SKAP2: variants seen among roughly 807,000 people sequenced by gnomAD.
The protein encoded by SKAP2 is src kinase-associated phosphoprotein 2.
In SKAP2, 28 loss-of-function variants were observed where a neutral mutation model predicts 54.9. The observed-to-expected ratio is 0.51, with a 90% CI of 0.38 to 0.70. The LOEUF is 0.70. Ranked by LOEUF, SKAP2 falls within the 30% of genes least tolerant of loss-of-function variation. The pLI is 0.00. For synonymous variants in SKAP2, 137 were observed against 134.3 expected, an observed-to-expected ratio of 1.02 and a Z score of -0.14; for missense variants, 356 against 424.1, an observed-to-expected ratio of 0.84 and a Z score of 1.41.
chr7:26,684,976 T>TA (rs1786598303), intron 10 of SKAP2, 128 bp from the exon 11 acceptor site: 1 of 606,834 alleles, frequency 1.6e-6, no homozygotes, highest in Non-Finnish European at 2.9e-6. Context: ...ATGTCCTGAG[T>TA]AAACGAATAC....
chr7:26,684,645 G>A lies in SKAP2; in HGVS notation c.987+91C>T, dbSNP rs115444254. On this transcript the variant is annotated intron_variant, in intron 11 of 12. Transcript: ENST00000345317. ...CAAGGACCTAGAAGAATTCCAATTG[G>A]CATTCTTCCCTAGCTCTGTAAATCC... 1,121 of 699,558 alleles carry A rather than the reference G, an allele frequency of 1.6e-3. 5 individuals are homozygous for A. The African/African-American group carries it at 0.018, about 11-fold the overall frequency. The allele number at this position is 699,558 out of a possible 1,614,324, so 43.3% of individuals were successfully genotyped here. A position where few individuals can be genotyped will look rare whatever the true frequency, so the allele number is the denominator to read the frequency against.
chr7:26,779,011 C>A (rs1783370847), intron 4 of SKAP2, among the ~76,000 whole-genome samples: 1 of 151,770 alleles, frequency 6.6e-6, no homozygotes, highest in South Asian at 2.1e-4. Context: ...TAAGTTAAGC[C>A]CACTAGTTGA....
intron 11 of SKAP2, among the ~76,000 whole-genome samples, chr7:26,672,073 C>T (rs1484168993): frequency 2.0e-5 from 3 of 151,982 alleles, no homozygotes; most frequent in Admixed American, 6.6e-5. Flanking sequence ...AGAAAAGGAA[C>T]TAGCCCCCTG....
downstream of SKAP2, among the ~76,000 whole-genome samples, chr7:26,666,052 A>G (rs1260568101): frequency 6.6e-6 from 1 of 151,878 alleles, no homozygotes; most frequent in Non-Finnish European, 1.5e-5. Flanking sequence ...TGTGTTTTCC[A>G]TGGCTTGATC....
chr7:26,794,234 T>C (rs1479640482), intron 4 of SKAP2, among the ~76,000 whole-genome samples: 1 of 152,220 alleles, frequency 6.6e-6, no homozygotes, highest in Admixed American at 6.5e-5. Flanking sequence ...CCTATAATAA[T>C]TTGTCTCAGT....
At chr7:26,823,108 A>G (rs1017169629) in intron 4 of SKAP2, among the ~76,000 whole-genome samples, 20 of 152,076 alleles carry the variant, frequency 1.3e-4, no homozygotes, top group African/African-American at 4.8e-4. Flanking sequence ...GTGCTACTCC[A>G]GTGAACACAC....
At chr7:26,665,974 T>A (rs1468294707), downstream of SKAP2, among the ~76,000 whole-genome samples, 5 of 148,722 alleles carry the variant, frequency 3.4e-5, no homozygotes, top group African/African-American at 1.3e-4. Flanking sequence ...TGTTTTTATT[T>A]TATATATATA....
intron 4 of SKAP2, among the ~76,000 whole-genome samples, chr7:26,833,397 C>CAAAAAAAAAAAAAAAAAAAAAA (rs1218013639): frequency 1.2e-5 from 1 of 85,126 alleles, no homozygotes. Flanking sequence ...GACTCCGTCT[C>CAAAAAAAAAAAAAAAAAAAAAA]AAAAAAAAAA....
chr7:26,829,925 T>C (rs1377938890), intron 4 of SKAP2, among the ~76,000 whole-genome samples: 1 of 151,870 alleles, frequency 6.6e-6, no homozygotes, highest in Non-Finnish European at 1.5e-5. Context: ...AATGAAAAAA[T>C]ATATTAACAC....
At chr7:26,857,324 A>AAAAAAAAAAAAAAAAAAAC (rs1785189101) in intron 1 of SKAP2, 1 of 252,548 alleles carries the variant, frequency 4.0e-6, no homozygotes, top group African/African-American at 2.3e-5. Flanking sequence ...AAAAAAAAAA[A>AAAAAAAAAAAAAAAAAAAC]AAAAAAAAAA....
intron 9 of SKAP2, among the ~76,000 whole-genome samples, chr7:26,699,689 GC>G (rs879613894): frequency 3.3e-5 from 5 of 151,856 alleles, no homozygotes; most frequent in Non-Finnish European, 7.4e-5. Flanking sequence ...ATAAACAAAA[GC>G]TTTTAAGGGT....
intron 4 of SKAP2, among the ~76,000 whole-genome samples, chr7:26,809,447 G>A (rs372303160): frequency 6.0e-5 from 9 of 151,094 alleles, no homozygotes; most frequent in African/African-American, 2.2e-4. Flanking sequence ...CAAAGGACCT[G>A]AATAAACTTT....
chr7:26,806,026 C>T (rs975766553), intron 4 of SKAP2, among the ~76,000 whole-genome samples: 1 of 152,028 alleles, frequency 6.6e-6, no homozygotes, highest in African/African-American at 2.4e-5. Flanking sequence ...TTACGGTGAT[C>T]TATAGTTACC....
intron 4 of SKAP2, among the ~76,000 whole-genome samples, chr7:26,817,258 T>C (rs185904706): frequency 5.9e-5 from 9 of 152,188 alleles, no homozygotes; most frequent in Non-Finnish European, 8.8e-5. Flanking sequence ...CACAGGTCTA[T>C]AGGTTTATAT....
intron 9 of SKAP2, among the ~76,000 whole-genome samples, chr7:26,711,625 A>G (rs1388539400): frequency 2.0e-5 from 3 of 152,218 alleles, no homozygotes; most frequent in East Asian, 1.9e-4. Context: ...TGTCTGGAGC[A>G]TAAGTCTGAG....
At chr7:26,818,310 C>G (rs892788995) in intron 4 of SKAP2, among the ~76,000 whole-genome samples, 4 of 152,132 alleles carry the variant, frequency 2.6e-5, no homozygotes, top group African/African-American at 9.7e-5. Context: ...TGATCTTTGA[C>G]AAACCTGACA....
intron 9 of SKAP2, among the ~76,000 whole-genome samples, chr7:26,725,153 TA>T (rs1787672845): frequency 6.6e-6 from 1 of 152,166 alleles, no homozygotes. Flanking sequence ...TAAACAATGC[TA>T]ATGAGCCACA....
intron 4 of SKAP2, among the ~76,000 whole-genome samples, chr7:26,776,544 T>C (rs1783313382): frequency 6.6e-6 from 1 of 152,128 alleles, no homozygotes; most frequent in African/African-American, 2.4e-5. Flanking sequence ...CAGACTCATC[T>C]CTACTTCTTT....
chr7:26,679,832 T>C (rs543319380), intron 11 of SKAP2, among the ~76,000 whole-genome samples: 1 of 152,344 alleles, frequency 6.6e-6, no homozygotes, highest in South Asian at 2.1e-4. Flanking sequence ...AAATGGTCAA[T>C]GACAGTCACA....
Sources: gnomAD v4.1 joint callset for allele counts (sites outside exome capture counted in the v4.1 genomes callset) on GRCh38, gnomAD v4.1.1 for gene constraint, MANE v1.5 for transcripts, NCBI Gene and HGNC (gene_info 2026-07-23, HGNC 2026-07-21) for gene names.